ENPEP: variants seen among roughly 807,000 people sequenced by gnomAD.
ENPEP encodes glutamyl aminopeptidase.
Under a neutral mutation model 114.5 loss-of-function variants are expected in ENPEP, and 103 were observed. The observed-to-expected ratio is 0.90, with a 90% CI of 0.77 to 1.06. ENPEP has a LOEUF of 1.06. Ranked by LOEUF, ENPEP falls within the 50% of genes least tolerant of loss-of-function variation. The pLI, the probability that ENPEP is intolerant of heterozygous loss-of-function variation, is 0.00. For missense variants in ENPEP, 1,196 were observed against 1,161.3 expected, an observed-to-expected ratio of 1.03 and a Z score of -0.43; for synonymous variants, 420 against 422.0, an observed-to-expected ratio of 1.00 and a Z score of 0.06.
chr4:110,544,554 G>A (rs1726979176), intron 13 of ENPEP, among the ~76,000 whole-genome samples: 1 of 152,188 alleles, frequency 6.6e-6, no homozygotes. Flanking sequence ...TATGTGCCAG[G>A]CACTGTGTAG....
At chr4:110,512,043 C>T (rs546833085) in intron 6 of ENPEP, among the ~76,000 whole-genome samples, 59 of 152,244 alleles carry the variant, frequency 3.9e-4, no homozygotes, top group African/African-American at 1.3e-3. Flanking sequence ...GGATTACAGG[C>T]GTGAGCCACC....
chr4:110,540,359 T>C (rs1043585114), intron 11 of ENPEP, among the ~76,000 whole-genome samples: 5 of 152,128 alleles, frequency 3.3e-5, no homozygotes, highest in Non-Finnish European at 5.9e-5. Context: ...TATTCTTCTT[T>C]ATACTTTTTT....
At chr4:110,546,668 TA>T (rs1727081781) in intron 13 of ENPEP, among the ~76,000 whole-genome samples, 1 of 152,044 alleles carries the variant, frequency 6.6e-6, no homozygotes, top group Non-Finnish European at 1.5e-5. Context: ...GGACCTTAGA[TA>T]CAAACATTTT....
Position 110,502,415 on chromosome 4 carries a change from T to A in ENPEP, c.919-4222T>A, listed in dbSNP as rs139291763. On this transcript the variant is annotated intron_variant, in intron 3 of 19. Coordinates refer to ENST00000265162, the MANE Select transcript of ENPEP (RefSeq NM_001977.4). ...CCAGGGTTTTTATAGTTTTAGGTTTTACACTTTTTAACCTGTCTTGAGTTG... is the reference window on the plus strand; with the variant it reads ...CCAGGGTTTTTATAGTTTTAGGTTTAACACTTTTTAACCTGTCTTGAGTTG... 1.4e-3 allele frequency among the ~76,000 whole-genome samples: 219 copies of A among 152,344 alleles called. 1 individual carries two copies. Among genetic ancestry groups the A allele is most frequent in the Non-Finnish European group, 2.2e-3 (148 of 68,032 alleles).
intron 11 of ENPEP, among the ~76,000 whole-genome samples, chr4:110,534,554 C>A (rs1451609674): frequency 7.8e-6 from 1 of 128,600 alleles, no homozygotes; most frequent in Non-Finnish European, 1.6e-5. Flanking sequence ...GTTGCCCAGG[C>A]CGGAGTGCAG....
chr4:110,521,071 G>A (rs1454857776), intron 10 of ENPEP, among the ~76,000 whole-genome samples: 2 of 152,186 alleles, frequency 1.3e-5, no homozygotes, highest in Non-Finnish European at 1.5e-5. Context: ...TGCAGGATGG[G>A]TGGGCTGGAG....
intron 1 of ENPEP, among the ~76,000 whole-genome samples, chr4:110,483,672 G>A (rs1724398987): frequency 6.6e-6 from 1 of 152,188 alleles, no homozygotes; most frequent in South Asian, 2.1e-4. Flanking sequence ...GTGGCATAGG[G>A]AGGCCCTTGT....
chr4:110,513,372 T>C, intron 6 of ENPEP, 43 bp from the exon 7 acceptor site: 2 of 1,579,244 alleles, frequency 1.3e-6, no homozygotes, highest in Non-Finnish European at 1.7e-6. Context: ...TAAACTAGTA[T>C]AAAGGAAATA....
At chr4:110,534,161 C>T (rs1726517826) in intron 11 of ENPEP, among the ~76,000 whole-genome samples, 1 of 152,194 alleles carries the variant, frequency 6.6e-6, no homozygotes, top group South Asian at 2.1e-4. Flanking sequence ...TCCTACCTCC[C>T]TCCTCTTGGT....
chr4:110,508,636 C>T (rs1223278225), intron 4 of ENPEP, among the ~76,000 whole-genome samples: 1 of 152,046 alleles, frequency 6.6e-6, no homozygotes, highest in Non-Finnish European at 1.5e-5. Flanking sequence ...ACGGTGAATC[C>T]CCGTCTCTAC....
chr4:110,541,896 C>T (rs757923215), intron 11 of ENPEP, among the ~76,000 whole-genome samples: 54 of 152,190 alleles, frequency 3.5e-4, no homozygotes, highest in Non-Finnish European at 6.5e-4. Context: ...CGCTAACGAA[C>T]ATGGTTATAT....
intron 10 of ENPEP, among the ~76,000 whole-genome samples, chr4:110,526,214 T>C (rs548295904): frequency 6.6e-6 from 1 of 152,212 alleles, no homozygotes; most frequent in East Asian, 1.9e-4. Flanking sequence ...AGGCAGAGGC[T>C]GCAGTGAGCC....
intron 3 of ENPEP, among the ~76,000 whole-genome samples, chr4:110,504,017 T>A (rs1313191625): frequency 6.6e-6 from 1 of 152,206 alleles, no homozygotes; most frequent in Non-Finnish European, 1.5e-5. Context: ...AAGTACTGGC[T>A]GCAGATCTCA....
At chr4:110,549,497 G>A (rs772764950) in intron 15 of ENPEP, 31 bp from the exon 16 acceptor site, 1 of 1,612,666 alleles carries the variant, frequency 6.2e-7, no homozygotes, top group East Asian at 2.2e-5. Flanking sequence ...AGTGCTTAAG[G>A]CCCTGGATTT....
rs769635992 is a variant in ENPEP, at chr4:110,561,609, A to C, written c.*51A>C. 1.2e-5 allele frequency: 19 copies of C among 1,565,422 alleles called. No homozygotes were observed. The Middle Eastern group carries it at 5.8e-4, about 48-fold the overall frequency. ...TTGTGAATCTATTGTTTCTCCTCTG[A>C]AGCATTTGGTGGCCTAATTTACAAG... On this transcript the variant is annotated 3_prime_UTR_variant, in exon 20 of 20. Transcript: ENST00000265162.
At chr4:110,508,495 A>T (rs1442850353) in intron 4 of ENPEP, among the ~76,000 whole-genome samples, 2 of 152,222 alleles carry the variant, frequency 1.3e-5, no homozygotes. Context: ...ATCCCTCTTC[A>T]TTCTTTTATA....
Position 110,477,024 on chromosome 4 carries a change from T to C in ENPEP, c.610T>C (p.Tyr204His), listed in dbSNP as rs1321999833. Residue 204 changes from tyrosine to histidine, a missense_variant, in exon 1 of 20, where the codon TAT becomes CAT. Tyr to His is a moderately conservative substitution (Grantham distance 83). Coordinates refer to ENST00000265162, the MANE Select transcript of ENPEP (RefSeq NM_001977.4). ...GCTGAACGGCTCCCTCGTGGGATTT[T>C]ATAGAACCACCTACACGGAGAACGG... ...GWLNGSLVGFYRTTYTENGQV... is the reference protein window; with the variant it reads ...GWLNGSLVGFHRTTYTENGQV... The C allele has an allele frequency of 1.9e-6, 3 of 1,614,178 alleles. No homozygotes were observed. In the South Asian group the frequency reaches 3.3e-5, roughly 18 times the overall value.
chr4:110,508,724 T>A (rs1725465432), intron 4 of ENPEP, among the ~76,000 whole-genome samples: 1 of 152,086 alleles, frequency 6.6e-6, no homozygotes, highest in Non-Finnish European at 1.5e-5. Flanking sequence ...GGCTGGAGAA[T>A]GGCGTGAACC....
chr4:110,506,499 T>C (rs573751395), intron 3 of ENPEP, 138 bp from the exon 4 acceptor site: 3 of 809,482 alleles, frequency 3.7e-6, no homozygotes, highest in Admixed American at 3.5e-5. Context: ...CACGCTAGTA[T>C]GAGGCAGAAT....
Sources: gnomAD v4.1 joint callset for allele counts (sites outside exome capture counted in the v4.1 genomes callset) on GRCh38, gnomAD v4.1.1 for gene constraint, MANE v1.5 for transcripts, NCBI Gene and HGNC (gene_info 2026-07-23, HGNC 2026-07-21) for gene names.